Variants in SLC25A21 observed in about 807,000 individuals in gnomAD.
SLC25A21 encodes solute carrier family 25 member 21.
In SLC25A21, 47 loss-of-function variants were observed where a neutral mutation model predicts 43.8. The ratio of observed to expected loss-of-function variants is 1.07; its 90% CI spans 0.85 to 1.37. The LOEUF (loss-of-function observed/expected upper bound fraction) is 1.37. Ranked by LOEUF, SLC25A21 falls within the 40% of genes most tolerant of loss-of-function variation. The probability of loss-of-function intolerance (pLI) is 0.00; values close to 1 mark genes in which losing one functional copy is unlikely to be tolerated. For missense variants in SLC25A21, 352 were observed against 350.2 expected, an observed-to-expected ratio of 1.00 and a Z score of -0.04; for synonymous variants, 131 against 121.3, an observed-to-expected ratio of 1.08 and a Z score of -0.52.
At chr14:36,851,646 G>T (rs1258783073) in intron 2 of SLC25A21, among the ~76,000 whole-genome samples, 1 of 152,184 alleles carries the variant, frequency 6.6e-6, no homozygotes, top group Non-Finnish European at 1.5e-5. Flanking sequence ...AAAAAATGGG[G>T]ATTAGAAAAA....
At chr14:36,799,228 G>C (rs977361665) in intron 3 of SLC25A21, among the ~76,000 whole-genome samples, 1 of 152,132 alleles carries the variant, frequency 6.6e-6, no homozygotes, top group Non-Finnish European at 1.5e-5. Flanking sequence ...ACAGATGATG[G>C]GGTAGAGGAA....
At chr14:37,145,952 C>T (rs915815867) in intron 1 of SLC25A21, among the ~76,000 whole-genome samples, 7 of 152,046 alleles carry the variant, frequency 4.6e-5, no homozygotes, top group Admixed American at 2.0e-4. Flanking sequence ...TGGAACAGTA[C>T]ATCGTCTACA....
At chr14:36,999,346 A>G (rs1322958762) in intron 1 of SLC25A21, among the ~76,000 whole-genome samples, 1 of 152,206 alleles carries the variant, frequency 6.6e-6, no homozygotes, top group Non-Finnish European at 1.5e-5. Context: ...TGGAGACAGT[A>G]AAAAGATCAG....
chr14:36,780,217 C>T (rs929607108), intron 3 of SLC25A21, among the ~76,000 whole-genome samples: 2 of 151,650 alleles, frequency 1.3e-5, no homozygotes, highest in Admixed American at 1.3e-4. Context: ...GATTTTGAGT[C>T]ATCTCTTATT....
chr14:36,717,300 T>C (rs1389458383), intron 6 of SLC25A21, among the ~76,000 whole-genome samples: 1 of 152,226 alleles, frequency 6.6e-6, no homozygotes, highest in Non-Finnish European at 1.5e-5. Flanking sequence ...TTAGCTTAGA[T>C]ATTTCACAAA....
chr14:36,935,395 T>C (rs1892396439), intron 1 of SLC25A21, among the ~76,000 whole-genome samples: 2 of 152,172 alleles, frequency 1.3e-5, no homozygotes. Context: ...ATATGGCAAC[T>C]CTTTGAAGGA....
chr14:37,101,415 A>G (rs1295800016), intron 1 of SLC25A21, among the ~76,000 whole-genome samples: 2 of 152,204 alleles, frequency 1.3e-5, no homozygotes, highest in Non-Finnish European at 2.9e-5. Flanking sequence ...ATCTTGGCCA[A>G]TGTTACTAAT....
intron 3 of SLC25A21, among the ~76,000 whole-genome samples, chr14:36,769,805 T>C (rs1460135028): frequency 6.6e-6 from 1 of 152,198 alleles, no homozygotes; most frequent in Non-Finnish European, 1.5e-5. Flanking sequence ...TAAATTCTAA[T>C]GTCATTTCTA....
chr14:36,873,792 A>C (rs1254376185), intron 2 of SLC25A21, among the ~76,000 whole-genome samples: 1 of 152,132 alleles, frequency 6.6e-6, no homozygotes. Flanking sequence ...TGGCTTTATA[A>C]GAAGAGGAAG....
chr14:36,747,293 C>T (rs551164993), intron 3 of SLC25A21, among the ~76,000 whole-genome samples: 1 of 152,186 alleles, frequency 6.6e-6, no homozygotes, highest in South Asian at 2.1e-4. Context: ...CACTCTTTGG[C>T]CTTAAATTTT....
At chr14:36,893,295 G>C (rs1056067905) in intron 1 of SLC25A21, among the ~76,000 whole-genome samples, 1 of 152,134 alleles carries the variant, frequency 6.6e-6, no homozygotes, top group African/African-American at 2.4e-5. Flanking sequence ...TTCTCTGATG[G>C]CCAGTGATGG....
At chr14:37,087,152 T>C (rs4363773) in intron 1 of SLC25A21, among the ~76,000 whole-genome samples, 139,939 of 152,220 alleles carry the variant, frequency 0.92, 64,433 homozygotes, top group East Asian at 1. Context: ...TGATGACTGC[T>C]AGTTTCCTCC....
intron 1 of SLC25A21, among the ~76,000 whole-genome samples, chr14:37,095,845 A>ACACACACAC (rs1175447694): frequency 1.4e-4 from 3 of 21,778 alleles, no homozygotes; most frequent in Non-Finnish European, 3.3e-4. Flanking sequence ...CACACACACA[A>ACACACACAC]AAAACACCTT....
rs74966144 is a variant in SLC25A21, at chr14:37,152,582, G to A, written c.70+19699C>T. Among the ~76,000 whole-genome samples the A allele has an allele frequency of 8.8e-3, 1,336 of 152,118 alleles. 19 individuals are homozygous for A. Among genetic ancestry groups the A allele is most frequent in the African/African-American group, 0.031 (1,275 of 41,472 alleles). ...TTTCTGCTATATACCTTAAAAATGTGAGCCTGCAGAGCGCAGAGAAGTCAG... is the reference window on the plus strand; with the variant it reads ...TTTCTGCTATATACCTTAAAAATGTAAGCCTGCAGAGCGCAGAGAAGTCAG... On this transcript the variant is annotated intron_variant, in intron 1 of 9. Coordinates refer to ENST00000331299, the MANE Select transcript of SLC25A21 (RefSeq NM_030631.4).
At chr14:36,920,373 A>T (rs1041663063) in intron 1 of SLC25A21, among the ~76,000 whole-genome samples, 4 of 152,086 alleles carry the variant, frequency 2.6e-5, no homozygotes, top group African/African-American at 9.6e-5. Flanking sequence ...AGTTGGTTTA[A>T]CTATGTTTAC....
intron 5 of SLC25A21, among the ~76,000 whole-genome samples, chr14:36,729,063 C>G (rs553887288): frequency 6.6e-6 from 1 of 152,204 alleles, no homozygotes; most frequent in Non-Finnish European, 1.5e-5. Context: ...AAAGGCCCTT[C>G]AGTCTGCATC....
rs138483920 is a variant in SLC25A21 at position 36,813,823 on chromosome 14, T to C, written c.203+95A>G. On this transcript the variant is annotated intron_variant, in intron 3 of 9. Transcript: ENST00000331299. ...GTAGAAAGGTACCCTTTTAAGTATT[T>C]TGCCCCTAGTAAGACTAGGAAAATA... is the stretch of plus-strand genomic sequence containing the variant. 2.1e-3 allele frequency: 1,776 copies of C among 836,180 alleles called. 28 individuals are homozygous for C. In the African/African-American group the frequency reaches 0.024, roughly 11 times the overall value. The allele number at this position is 836,180 out of a possible 1,614,324, so 51.8% of individuals were successfully genotyped here.
chr14:37,013,741 C>T (rs1002488967), intron 1 of SLC25A21, among the ~76,000 whole-genome samples: 8 of 152,036 alleles, frequency 5.3e-5, no homozygotes, highest in Admixed American at 5.3e-4. Flanking sequence ...CGTTTATTTC[C>T]TTATTCTTTC....
chr14:36,744,226 C>T (rs1885396806), intron 3 of SLC25A21, among the ~76,000 whole-genome samples: 2 of 152,036 alleles, frequency 1.3e-5, no homozygotes, highest in Non-Finnish European at 2.9e-5. Context: ...GCCTAAATAG[C>T]CAAAGCAATC....
Sources: gnomAD v4.1 joint callset for allele counts (sites outside exome capture counted in the v4.1 genomes callset) on GRCh38, gnomAD v4.1.1 for gene constraint, MANE v1.5 for transcripts, NCBI Gene and HGNC (gene_info 2026-07-23, HGNC 2026-07-21) for gene names.